The following MAPK10 variants were observed in gnomAD, a reference collection of about 807,000 sequenced individuals.
The protein encoded by MAPK10 is mitogen-activated protein kinase 10.
A neutral mutation model predicts 59.3 loss-of-function variants in MAPK10; 25 were observed. That is an observed-to-expected ratio of 0.42 (90% CI 0.31 to 0.59). MAPK10 has a LOEUF of 0.59. Among genes scored for constraint, MAPK10 ranks in the 20% least tolerant of loss-of-function variants. The pLI is 0.15. For synonymous variants in MAPK10, 190 were observed against 200.5 expected (o/e 0.95, Z 0.44); for missense variants, 351 against 568.9 (o/e 0.62, Z 3.90).
intron 2 of MAPK10, among the ~76,000 whole-genome samples, chr4:86,341,336 A>G (rs1724787661): frequency 6.6e-6 from 1 of 152,234 alleles, no homozygotes; most frequent in South Asian, 2.1e-4. Context: ...ACAGATCTCA[A>G]TGAATCTGAG....
At chr4:86,574,316 T>C (rs563291666) in intron 1 of MAPK10, among the ~76,000 whole-genome samples, 47 of 151,826 alleles carry the variant, frequency 3.1e-4, no homozygotes, top group African/African-American at 1.1e-3. Context: ...TGTTGGACAT[T>C]TGGGTTGGTT....
chr4:86,289,474 A>G (rs2095148284), intron 2 of MAPK10, among the ~76,000 whole-genome samples: 1 of 152,022 alleles, frequency 6.6e-6, no homozygotes, highest in Admixed American at 6.6e-5. Context: ...GACAGTTTCT[A>G]TATTTATGTT....
chr4:86,384,222 C>A (rs1375545694), intron 1 of MAPK10: 1 of 152,076 alleles, frequency 6.6e-6, no homozygotes, highest in Admixed American at 6.6e-5. Flanking sequence ...GGTGCTACAC[C>A]AGGAACTGGA....
At chr4:86,346,926 A>G (rs150635514) in intron 2 of MAPK10, among the ~76,000 whole-genome samples, 1,655 of 152,232 alleles carry the variant, frequency 0.011, 21 homozygotes, top group Non-Finnish European at 0.018. Flanking sequence ...GTCTTAATAT[A>G]AAAGAGTATC....
At chr4:86,555,582 A>C (rs186303610) in intron 1 of MAPK10, among the ~76,000 whole-genome samples, 1 of 152,342 alleles carries the variant, frequency 6.6e-6, no homozygotes, top group African/African-American at 2.4e-5. Context: ...TGGATGCTTT[A>C]GCCTGAAATA....
At chr4:86,321,481 A>G (rs2148893003) in intron 2 of MAPK10, among the ~76,000 whole-genome samples, 1 of 151,678 alleles carries the variant, frequency 6.6e-6, no homozygotes, top group South Asian at 2.1e-4. Flanking sequence ...AAACTATCGC[A>G]AGAACAAAAA....
intron 1 of MAPK10, among the ~76,000 whole-genome samples, chr4:86,371,339 T>C (rs1738719502): frequency 6.6e-6 from 1 of 152,220 alleles, no homozygotes; most frequent in African/African-American, 2.4e-5. Context: ...ATCTCTAACA[T>C]CTATCAACCA....
At chr4:86,494,388 TG>T (rs1394198439) in intron 1 of MAPK10, among the ~76,000 whole-genome samples, 3 of 152,166 alleles carry the variant, frequency 2.0e-5, no homozygotes, top group African/African-American at 7.2e-5. Context: ...AGGAGGGGAC[TG>T]GCGTTCCACA....
At chr4:86,383,923 T>C (rs763657625) in intron 1 of MAPK10, among the ~76,000 whole-genome samples, 4 of 152,224 alleles carry the variant, frequency 2.6e-5, no homozygotes, top group Admixed American at 6.5e-5. Context: ...CTGATTTATC[T>C]TCTTTGATTA....
At chr4:86,059,603 C>A (rs529919657) in intron 11 of MAPK10, among the ~76,000 whole-genome samples, 1 of 152,238 alleles carries the variant, frequency 6.6e-6, no homozygotes, top group African/African-American at 2.4e-5. Flanking sequence ...AAATTCCCAC[C>A]CAACCCTGTC....
chr4:86,397,153 G>T (rs1190669516), intron 1 of MAPK10, among the ~76,000 whole-genome samples: 1 of 152,122 alleles, frequency 6.6e-6, no homozygotes, highest in Non-Finnish European at 1.5e-5. Context: ...GATCAGGAAA[G>T]AAATATTTTT....
intron 9 of MAPK10, among the ~76,000 whole-genome samples, chr4:86,085,982 C>T (rs1442849611): frequency 6.6e-6 from 1 of 152,016 alleles, no homozygotes; most frequent in African/African-American, 2.4e-5. Context: ...CACATGGACA[C>T]AGGGAGGGGA....
At chr4:86,093,479 C>G (rs1456158425) in intron 9 of MAPK10, among the ~76,000 whole-genome samples, 1 of 151,720 alleles carries the variant, frequency 6.6e-6, no homozygotes, top group Non-Finnish European at 1.5e-5. Flanking sequence ...AAAATTAGAA[C>G]ATTTCTTTTA....
intron 2 of MAPK10, among the ~76,000 whole-genome samples, chr4:86,213,821 A>G (rs1349392744): frequency 6.6e-6 from 1 of 152,142 alleles, no homozygotes; most frequent in East Asian, 1.9e-4. Context: ...ATTATTTTCA[A>G]ACTTTCCCTA....
At chr4:86,487,355 G>C (rs999999742) in intron 1 of MAPK10, among the ~76,000 whole-genome samples, 2 of 53,714 alleles carry the variant, frequency 3.7e-5, no homozygotes, top group Non-Finnish European at 7.2e-5. Flanking sequence ...ATAAAAGAGA[G>C]AGAGAGAGTG....
chr4:86,316,246 T>G (rs778040279), intron 2 of MAPK10, among the ~76,000 whole-genome samples: 1 of 152,222 alleles, frequency 6.6e-6, no homozygotes, highest in Non-Finnish European at 1.5e-5. Context: ...ACTTACTGCA[T>G]GCACCAAAAA....
chr4:86,069,725 C>T (rs918027006), intron 9 of MAPK10, among the ~76,000 whole-genome samples: 1 of 152,034 alleles, frequency 6.6e-6, no homozygotes, highest in Non-Finnish European at 1.5e-5. Flanking sequence ...GATCAAACTT[C>T]CTCAAAATTC....
chr4:86,466,981 C>T (rs1752261115), intron 1 of MAPK10, among the ~76,000 whole-genome samples: 1 of 152,234 alleles, frequency 6.6e-6, no homozygotes, highest in Non-Finnish European at 1.5e-5. Flanking sequence ...TGTGCTGCAT[C>T]TTCAGCTGCA....
At chr4:86,207,187 G>A (rs1322194318) in intron 2 of MAPK10, among the ~76,000 whole-genome samples, 2 of 150,982 alleles carry the variant, frequency 1.3e-5, no homozygotes, top group Non-Finnish European at 3.0e-5. Flanking sequence ...TAGGTCTAAC[G>A]TTTAAGTCTT....
Sources: gnomAD v4.1 joint callset for allele counts (sites outside exome capture counted in the v4.1 genomes callset) on GRCh38, gnomAD v4.1.1 for gene constraint, MANE v1.5 for transcripts, NCBI Gene and HGNC (gene_info 2026-07-23, HGNC 2026-07-21) for gene names.